ANXA8: variants seen among roughly 807,000 people sequenced by gnomAD.
ANXA8 encodes the protein annexin A8.
Under a neutral mutation model 26.8 loss-of-function variants are expected in ANXA8, and 9 were observed. The ratio of observed to expected loss-of-function variants is 0.34; its 90% CI spans 0.20 to 0.59. The LOEUF (loss-of-function observed/expected upper bound fraction) is 0.59, where lower values mean the gene tolerates loss of function less well. Among genes scored for constraint, ANXA8 ranks in the 20% least tolerant of loss-of-function variants. The probability of loss-of-function intolerance (pLI) is 0.84; values close to 1 mark genes in which losing one functional copy is unlikely to be tolerated. For missense variants in ANXA8, 83 were observed against 238.5 expected, an observed-to-expected ratio of 0.35 and a Z score of 4.29; for synonymous variants, 39 against 94.8, an observed-to-expected ratio of 0.41 and a Z score of 3.42.
the ANXA8 span, among the ~76,000 whole-genome samples, chr10:47,717,558 G>T: frequency 7.8e-6 from 1 of 127,576 alleles, no homozygotes; most frequent in Non-Finnish European, 1.6e-5. Flanking sequence ...TCATCTTACC[G>T]CCAGCAGAAT....
chr10:47,551,517 T>C, the ANXA8 span, among the ~76,000 whole-genome samples: 7 of 151,878 alleles, frequency 4.6e-5, no homozygotes, highest in Admixed American at 2.6e-4. Flanking sequence ...AATCAAATTC[T>C]ATAAATTCTT....
At chr10:47,944,408 A>AG in the ANXA8 span, among the ~76,000 whole-genome samples, 1 of 149,422 alleles carries the variant, frequency 6.7e-6, no homozygotes, top group South Asian at 2.1e-4. Flanking sequence ...TCCACACCCA[A>AG]GGGGGGCCCT....
the ANXA8 span, among the ~76,000 whole-genome samples, chr10:47,766,046 T>C: frequency 2.7e-5 from 4 of 150,130 alleles, no homozygotes; most frequent in African/African-American, 1.0e-4. Context: ...CCATGCCGAA[T>C]ATGGGACTCT....
chr10:47,648,030 C>G, the ANXA8 span, among the ~76,000 whole-genome samples: 1 of 151,866 alleles, frequency 6.6e-6, no homozygotes, highest in Admixed American at 6.6e-5. Flanking sequence ...TGAGGCTAGA[C>G]CTCTGAGGGA....
At chr10:47,966,456 C>T in the ANXA8 span, among the ~76,000 whole-genome samples, 1 of 150,482 alleles carries the variant, frequency 6.6e-6, no homozygotes, top group Non-Finnish European at 1.5e-5. Context: ...GAATATGTGG[C>T]CCAGGAGCCC....
At chr10:47,952,255 T>C in the ANXA8 span, among the ~76,000 whole-genome samples, 5 of 151,726 alleles carry the variant, frequency 3.3e-5, no homozygotes, top group Non-Finnish European at 5.9e-5. Context: ...TTCAACATTG[T>C]ACCAAAAGTC....
At chr10:47,763,474 A>G in the ANXA8 span, 11 of 585,232 alleles carry the variant, frequency 1.9e-5, no homozygotes, top group African/African-American at 2.2e-4. Flanking sequence ...TGTAAAGAAC[A>G]CTTAGAGCGG....
Position 47,484,039 on chromosome 10 carries a change from G to C in ANXA8, c.-106C>G, listed in dbSNP as rs1211134635. 9 of 1,610,906 alleles carry C rather than the reference G, an allele frequency of 5.6e-6. No individual in the cohort carries two copies. In the East Asian group the frequency reaches 1.6e-4, roughly 28 times the overall value. On this transcript the variant is annotated 5_prime_UTR_variant, in exon 1 of 12. Transcript: ENST00000585281. ...CCTGCAGCTGAGGAGTGAGCAGGCC[G>C]CTCACTTGGGTGTGGGGGTGCAAGC...
At chr10:47,503,216 C>T in the ANXA8 span, 39 of 1,590,574 alleles carry the variant, frequency 2.5e-5, 4 homozygotes, top group South Asian at 3.3e-5. Context: ...CACAGGGTGA[C>T]GTATTTCTTT....
the ANXA8 span, among the ~76,000 whole-genome samples, chr10:47,521,262 G>A: frequency 7.4e-6 from 1 of 135,986 alleles, no homozygotes; most frequent in African/African-American, 2.9e-5. Flanking sequence ...TCTACTAACT[G>A]GTGTGTAACA....
At chr10:47,969,095 G>A in the ANXA8 span, among the ~76,000 whole-genome samples, 2 of 150,238 alleles carry the variant, frequency 1.3e-5, no homozygotes, top group Non-Finnish European at 3.0e-5. Flanking sequence ...GATCGTGCAG[G>A]AGAAAACCAA....
At chr10:47,907,732 C>A in the ANXA8 span, among the ~76,000 whole-genome samples, 1 of 141,792 alleles carries the variant, frequency 7.1e-6, no homozygotes, top group Non-Finnish European at 1.5e-5. Context: ...TGCGCCACTG[C>A]ACTCCAGCCT....
At chr10:47,743,352 AT>A in the ANXA8 span, among the ~76,000 whole-genome samples, 1 of 69,594 alleles carries the variant, frequency 1.4e-5, no homozygotes, top group Non-Finnish European at 3.1e-5. Context: ...ATATATATAT[AT>A]ACACATATAT....
the ANXA8 span, among the ~76,000 whole-genome samples, chr10:47,959,300 T>A: frequency 6.8e-6 from 1 of 146,898 alleles, no homozygotes; most frequent in Non-Finnish European, 1.5e-5. Context: ...GGGTACAGTA[T>A]GAGCTCTGTG....
At chr10:47,680,190 C>A in the ANXA8 span, among the ~76,000 whole-genome samples, 1 of 151,552 alleles carries the variant, frequency 6.6e-6, no homozygotes, top group East Asian at 1.9e-4. Context: ...GTCTCAAACT[C>A]CTGATCTCAA....
chr10:47,565,184 G>A, the ANXA8 span: 42 of 688,028 alleles, frequency 6.1e-5, 1 homozygote, highest in South Asian at 5.1e-4. Context: ...CGTGCAGGGC[G>A]ACGCGGGCAC....
At chr10:47,486,497 G>A (rs1214854802), upstream of ANXA8, among the ~76,000 whole-genome samples, 1 of 138,174 alleles carries the variant, frequency 7.2e-6, no homozygotes, top group Non-Finnish European at 1.6e-5. Context: ...TGACAGAGAA[G>A]CATCTGTTTC....
At chr10:47,599,571 T>A in the ANXA8 span, 5 of 144,098 alleles carry the variant, frequency 3.5e-5, no homozygotes, top group South Asian at 1.1e-3. Flanking sequence ...AGTACAAAAA[T>A]TACACATCAA....
the ANXA8 span, among the ~76,000 whole-genome samples, chr10:47,490,587 T>C: frequency 6.6e-6 from 1 of 151,748 alleles, no homozygotes; most frequent in East Asian, 1.9e-4. Flanking sequence ...AGAATGGCAG[T>C]GCTAGAAGCA....
Sources: gnomAD v4.1 joint callset for allele counts (sites outside exome capture counted in the v4.1 genomes callset) on GRCh38, gnomAD v4.1.1 for gene constraint, MANE v1.5 for transcripts, NCBI Gene and HGNC (gene_info 2026-07-23, HGNC 2026-07-21) for gene names.